Variants in SCN3B observed in about 807,000 individuals in gnomAD.
SCN3B encodes sodium channel regulatory subunit beta-3.
A neutral mutation model predicts 25.4 loss-of-function variants in SCN3B; 11 were observed. The observed-to-expected ratio is 0.43, with a 90% CI of 0.27 to 0.72. The LOEUF (loss-of-function observed/expected upper bound fraction) is 0.72, where lower values mean the gene tolerates loss of function less well. Ranked by LOEUF, SCN3B falls within the 30% of genes least tolerant of loss-of-function variation. The pLI is 0.18. For missense variants in SCN3B, 218 were observed against 278.3 expected (o/e 0.78, Z 1.54); for synonymous variants, 109 against 110.7 (o/e 0.99, Z 0.09).
At position 123,645,450 on chromosome 11, in the gene SCN3B, A is replaced by T; in HGVS notation, c.219+137T>A. 3.1e-6 allele frequency: 3 copies of T among 952,906 alleles called. No individual in the cohort carries two copies. The South Asian group carries it at 3.9e-5, about 12-fold the overall frequency. 59.0% of individuals were successfully genotyped at this position (952,906 alleles called of 1,614,324 possible). A position where few individuals can be genotyped will look rare whatever the true frequency, so the allele number is the denominator to read the frequency against. ...TGGGGCTTCACTAAGGCTGTCAGTT[A>T]TCTGCTGAGGATCTGTCAGTGTTTG... On this transcript the variant is annotated intron_variant, in intron 3 of 6. Coordinates refer to ENST00000299333, the MANE Select transcript of SCN3B (RefSeq NM_001040151.2).
chr11:123,650,150 A>G (rs1410615505), intron 2 of SCN3B, among the ~76,000 whole-genome samples: 1 of 152,080 alleles, frequency 6.6e-6, no homozygotes, highest in Non-Finnish European at 1.5e-5. Context: ...CTTCTCTTCA[A>G]TTCCCATAAT....
At chr11:123,650,240 C>T (rs1955908658) in intron 2 of SCN3B, among the ~76,000 whole-genome samples, 1 of 152,034 alleles carries the variant, frequency 6.6e-6, no homozygotes, top group Non-Finnish European at 1.5e-5. Context: ...TAGCATCCAT[C>T]TATCATGAGG....
rs1462818311 is a variant in SCN3B, at chr11:123,630,197, C to CTT, written c.*3601_*3602insAA. On this transcript the variant is annotated 3_prime_UTR_variant, in exon 7 of 7. Transcript: ENST00000299333. Reference sequence around the variant, plus strand: ...GAAACTAAAAGGTCATGCCGTTAAACAAGTGGTGAGAATAAAGGCTGGGGT... The same window carrying CTT: ...GAAACTAAAAGGTCATGCCGTTAAACTTAAGTGGTGAGAATAAAGGCTGGGGT... 1.3e-5 allele frequency: 2 copies of CTT among 152,530 alleles called. No homozygotes were observed. Among genetic ancestry groups the CTT allele is most frequent in the African/African-American group, 2.4e-5 (1 of 41,434 alleles). 9.4% of individuals were successfully genotyped at this position (152,530 alleles called of 1,614,324 possible).
At position 123,634,215 on chromosome 11, in the gene SCN3B, G is replaced by A. The variant is rs1193376296; in HGVS notation, c.585-9C>T. 6.2e-6 allele frequency: 10 copies of A among 1,612,732 alleles called. No homozygotes were observed. The highest frequency in any genetic ancestry group is 8.5e-6 in the Non-Finnish European group (10 of 1,179,134). ...TGGCAAGGTAGTCAGACCTATAGAG[G>A]ACACAGGGAAAGGGAATCAGAGCTT... is the stretch of plus-strand genomic sequence containing the variant. On this transcript the variant is annotated splice_polypyrimidine_tract_variant and intron_variant, in intron 5 of 6. Coordinates refer to ENST00000299333, the MANE Select transcript of SCN3B (RefSeq NM_001040151.2).
chr11:123,642,221 C>G lies in SCN3B; in HGVS notation c.445+225G>C, dbSNP rs1391164623. Among the ~76,000 whole-genome samples, 1 of 152,158 alleles carries G rather than the reference C, an allele frequency of 6.6e-6. No individual in the cohort carries two copies. The highest frequency in any genetic ancestry group is 2.4e-5 in the African/African-American group (1 of 41,434). ...AAGAGCTCATTCTATCATCTCCAAG[C>G]CTTTCTGCTTTGAGGAAAGGCACAG... is the stretch of plus-strand genomic sequence containing the variant. On this transcript the variant is annotated intron_variant, in intron 4 of 6. Transcript: ENST00000299333. The surrounding 1 kb of genome is among the most constrained non-coding windows in gnomAD (Gnocchi z 4.3).
rs918533237 is a variant in SCN3B, at chr11:123,645,888, G to A, written c.56-138C>T. On this transcript the variant is annotated intron_variant, in intron 2 of 6. Transcript: ENST00000299333. ...ATGAGGCCAACCTGAAAAAAGCCAC[G>A]TGCACATGTCTACACCTTCACCTGC... 42 of 855,844 alleles carry A rather than the reference G, an allele frequency of 4.9e-5. No homozygotes were observed. The East Asian group carries it at 5.1e-4, about 10-fold the overall frequency. 53.0% of individuals were successfully genotyped at this position (855,844 alleles called of 1,614,324 possible).
intron 4 of SCN3B, chr11:123,639,745 G>C (rs1591344630): frequency 1.3e-5 from 2 of 152,166 alleles, no homozygotes; most frequent in Admixed American, 6.5e-5. Context: ...TCTGTGGACT[G>C]TGTGCTTATT....
rs2137231103 is a variant in SCN3B, at chr11:123,634,208, T to C, written c.585-2A>G. On this transcript the variant is annotated splice_acceptor_variant, in intron 5 of 6. Transcript: ENST00000299333. LOFTEE classifies it high-confidence loss of function. ...GATGGGATGGCAAGGTAGTCAGACC[T>C]ATAGAGGACACAGGGAAAGGGAATC... 6.2e-7 allele frequency: 1 copy of C among 1,613,216 alleles called. No individual in the cohort carries two copies. Among genetic ancestry groups the C allele is most frequent in the Non-Finnish European group, 8.5e-7 (1 of 1,179,470 alleles).
chr11:123,639,383 CT>C (rs368162532), intron 4 of SCN3B: 13 of 149,546 alleles, frequency 8.7e-5, no homozygotes, highest in Admixed American at 2.7e-4. Context: ...TTTCTTTTCT[CT>C]TTTTTTTTTG....
intron 2 of SCN3B, among the ~76,000 whole-genome samples, chr11:123,651,662 C>T (rs1032281169): frequency 1.3e-5 from 2 of 152,168 alleles, no homozygotes; most frequent in East Asian, 3.9e-4. Context: ...CTGCGCCTGG[C>T]GAAGGGAAGC....
intron 3 of SCN3B, among the ~76,000 whole-genome samples, chr11:123,643,634 A>C (rs1197695060): frequency 2.0e-5 from 3 of 152,262 alleles, no homozygotes. Flanking sequence ...TCTATGAGAC[A>C]GCCTTGCTGT....
chr11:123,640,109 A>G (rs958955465), intron 4 of SCN3B: 24 of 152,210 alleles, frequency 1.6e-4, no homozygotes, highest in African/African-American at 5.8e-4. Context: ...CTCCAGGATC[A>G]CCCAGGTTTC....
intron 3 of SCN3B, among the ~76,000 whole-genome samples, chr11:123,645,223 T>C (rs1955840840): frequency 6.6e-6 from 1 of 152,210 alleles, no homozygotes; most frequent in African/African-American, 2.4e-5. Context: ...ATAATGATGC[T>C]TTGTGTTATT....
intron 5 of SCN3B, among the ~76,000 whole-genome samples, chr11:123,636,524 T>C (rs1955726675): frequency 6.6e-6 from 1 of 152,204 alleles, no homozygotes; most frequent in African/African-American, 2.4e-5. Flanking sequence ...ATATTTGCTG[T>C]AGGGTCTCTT....
Position 123,629,322 on chromosome 11 carries a change from A to T in SCN3B, c.*4477T>A, listed in dbSNP as rs1316132922. The T allele has an allele frequency of 6.6e-6, 1 of 152,210 alleles. No homozygotes were observed. Among genetic ancestry groups the T allele is most frequent in the African/African-American group, 2.4e-5 (1 of 41,450 alleles). The allele number at this position is 152,210 out of a possible 1,614,324, so 9.4% of individuals were successfully genotyped here. Reference sequence around the variant, plus strand: ...GGATTGTGTTCGATGGCAGTTCACAAGCCTGCAAGCACTCGGCCTTCAGCG... The same window carrying T: ...GGATTGTGTTCGATGGCAGTTCACATGCCTGCAAGCACTCGGCCTTCAGCG... On this transcript the variant is annotated 3_prime_UTR_variant, in exon 7 of 7. Coordinates refer to ENST00000299333, the MANE Select transcript of SCN3B (RefSeq NM_001040151.2).
rs7112258 is a variant in SCN3B at position 123,638,134 on chromosome 11, A to G, written c.584+52T>C. The G allele has an allele frequency of 0.027, 43,612 of 1,608,432 alleles. 2,203 individuals are homozygous for G. The highest frequency in any genetic ancestry group is 0.2 in the African/African-American group (15,273 of 74,906). ...GCTTAGCACCTCACCTGTGAGAGCA[A>G]GCATTCTGAAGGTGCTAGCTTTCAT... On this transcript the variant is annotated intron_variant, in intron 5 of 6. Transcript: ENST00000299333.
chr11:123,653,202 T>C (rs3851100), intron 2 of SCN3B, among the ~76,000 whole-genome samples: 21,735 of 151,928 alleles, frequency 0.14, 1,673 homozygotes, highest in Admixed American at 0.21. Context: ...CAGTTGCCTA[T>C]TTATTTAATA....
intron 3 of SCN3B, among the ~76,000 whole-genome samples, chr11:123,644,942 A>G (rs1955838102): frequency 6.6e-6 from 1 of 151,412 alleles, no homozygotes; most frequent in African/African-American, 2.4e-5. Flanking sequence ...GACACTGGCT[A>G]TGGTGCAGGA....
chr11:123,644,535 G>A (rs1325015509), intron 3 of SCN3B, among the ~76,000 whole-genome samples: 2 of 152,132 alleles, frequency 1.3e-5, no homozygotes, highest in East Asian at 3.9e-4. Context: ...ACTTTGGGAG[G>A]CCGAGGTGGG....
Sources: allele counts gnomAD v4.1 joint callset (sites outside exome capture counted in the v4.1 genomes callset), GRCh38; gene constraint gnomAD v4.1.1; non-coding constraint Gnocchi (gnomAD v3.1); transcripts MANE v1.5; gene names NCBI Gene and HGNC (gene_info 2026-07-23, HGNC 2026-07-21).